DDX47: variants seen among roughly 807,000 people sequenced by gnomAD.
DDX47 encodes DEAD-box helicase 47.
DDX47 carries 60 observed loss-of-function variants against 58.8 expected under a neutral mutation model. The observed-to-expected ratio is 1.02, with a 90% CI of 0.83 to 1.26. The LOEUF is 1.26. Ranked by LOEUF, DDX47 falls within the 50% of genes most tolerant of loss-of-function variation. The pLI is 0.00. For missense variants in DDX47, 530 were observed against 573.2 expected, an observed-to-expected ratio of 0.92 and a Z score of 0.77; for synonymous variants, 197 against 204.6, an observed-to-expected ratio of 0.96 and a Z score of 0.32.
intron 8 of DDX47, 47 bp downstream of exon 8, chr12:12,824,063 A>AGATAAACCTCCT (rs1376786090): frequency 6.3e-7 from 1 of 1,587,884 alleles, no homozygotes; most frequent in Non-Finnish European, 8.6e-7. Context: ...GGCGTGAGCG[A>AGATAAACCTCCT]GATAAACCTC....
At chr12:12,828,930 T>C (rs954801403) in intron 11 of DDX47, among the ~76,000 whole-genome samples, 58 of 152,378 alleles carry the variant, frequency 3.8e-4, no homozygotes, top group African/African-American at 1.3e-3. Context: ...CATTCATGGA[T>C]GCTTACGCTT....
chr12:12,823,515 A>G (rs981869156), intron 7 of DDX47, 196 bp downstream of exon 7: 6 of 585,200 alleles, frequency 1.0e-5, no homozygotes, highest in African/African-American at 1.9e-5. Context: ...TTAAATCACA[A>G]TACTGAGGTC....
At position 12,821,292 on chromosome 12, in the gene DDX47, C is replaced by A; in HGVS notation, c.266C>A (p.Thr89Asn). The change falls in exon 3 of 12, where the codon ACC becomes AAC. Residue 89 changes from threonine to asparagine, a missense_variant. By Grantham distance (65) the Thr-to-Asn change is moderately conservative. Coordinates refer to ENST00000358007, the MANE Select transcript of DDX47 (RefSeq NM_016355.4). ...ALPILNALLE[T>N]PQRLFALVLT... ...CCCATTCTAAACGCACTGCTGGAGACCCCGCAGCGTTTGTTTGCCCTAGTT... is the reference window on the plus strand; with the variant it reads ...CCCATTCTAAACGCACTGCTGGAGAACCCGCAGCGTTTGTTTGCCCTAGTT... 6.2e-7 allele frequency: 1 copy of A among 1,614,202 alleles called. No individual in the cohort carries two copies. Among genetic ancestry groups the A allele is most frequent in the Non-Finnish European group, 8.5e-7 (1 of 1,180,040 alleles).
chr12:12,813,584 T>C, intron 1 of DDX47, 130 bp downstream of exon 1: 1 of 870,534 alleles, frequency 1.1e-6, no homozygotes, highest in Non-Finnish European at 1.8e-6. Flanking sequence ...TTCCCCAGAA[T>C]TTCAGAGGGC....
At chr12:12,829,272 T>A (rs1405055775) in intron 11 of DDX47, 151 bp from the exon 12 acceptor site, 1 of 731,270 alleles carries the variant, frequency 1.4e-6, no homozygotes, top group Non-Finnish European at 2.1e-6. Context: ...GGTTAACATC[T>A]TTGTATATTT....
At chr12:12,815,811 G>C (rs894890329) in intron 2 of DDX47, among the ~76,000 whole-genome samples, 1 of 152,130 alleles carries the variant, frequency 6.6e-6, no homozygotes, top group Non-Finnish European at 1.5e-5. Flanking sequence ...TTTGGTCTTC[G>C]TTTCATAGGC....
chr12:12,825,544 A>G (rs1863039700), intron 9 of DDX47, among the ~76,000 whole-genome samples: 1 of 152,192 alleles, frequency 6.6e-6, no homozygotes, highest in South Asian at 2.1e-4. Context: ...TGCTGTAGAC[A>G]AGATGCTGTC....
At chr12:12,814,430 C>T in intron 2 of DDX47, 1 of 491,584 alleles carries the variant, frequency 2.0e-6, no homozygotes, top group Non-Finnish European at 3.7e-6. Context: ...TGTTCTCTGC[C>T]ACAGATGCTG....
At chr12:12,814,082 G>A (rs747402033) in intron 1 of DDX47, 49 bp from the exon 2 acceptor site, 15 of 1,144,388 alleles carry the variant, frequency 1.3e-5, no homozygotes, top group Non-Finnish European at 1.7e-5. Context: ...GTAGGAGGGA[G>A]GTAGGGGTGT....
chr12:12,822,114 A>G, intron 5 of DDX47, 31 bp downstream of exon 5: 1 of 1,501,514 alleles, frequency 6.7e-7, no homozygotes. Flanking sequence ...CTCCTCTTAG[A>G]GCATCTCAAG....
intron 2 of DDX47, among the ~76,000 whole-genome samples, chr12:12,818,253 G>A (rs1862925111): frequency 6.6e-6 from 1 of 152,188 alleles, no homozygotes; most frequent in Non-Finnish European, 1.5e-5. Context: ...TGGGCGTGGT[G>A]GCTCACGCCT....
In DDX47 at chr12:12,814,340, A is replaced by G. The variant is rs543016161; in HGVS notation, c.181+116A>G. The G allele has an allele frequency of 3.2e-4, 227 of 716,830 alleles. 7 individuals carry two copies. In the South Asian group the frequency reaches 3.6e-3, roughly 11 times the overall value. 44.4% of individuals were successfully genotyped at this position (716,830 alleles called of 1,614,324 possible). A position where few individuals can be genotyped will look rare whatever the true frequency, so the allele number is the denominator to read the frequency against. ...ATAAGGATATGGTCACTAAAGGTACAAAGTTTGGGTAATGGTATTTGAAAA... is the reference window on the plus strand; with the variant it reads ...ATAAGGATATGGTCACTAAAGGTACGAAGTTTGGGTAATGGTATTTGAAAA... On this transcript the variant is annotated intron_variant, in intron 2 of 11. Transcript: ENST00000358007.
At chr12:12,817,592 T>A (rs1056984247) in intron 2 of DDX47, among the ~76,000 whole-genome samples, 1 of 152,198 alleles carries the variant, frequency 6.6e-6, no homozygotes, top group African/African-American at 2.4e-5. Flanking sequence ...TCAAGGAATT[T>A]CAAACAATTT....
chr12:12,818,335 C>T (rs547342169), intron 2 of DDX47, among the ~76,000 whole-genome samples: 1 of 152,244 alleles, frequency 6.6e-6, no homozygotes, highest in East Asian at 1.9e-4. Context: ...TCCCAGCTAA[C>T]ACGGTGAAAC....
At chr12:12,814,100 T>C in intron 1 of DDX47, 31 bp from the exon 2 acceptor site, 1 of 1,459,804 alleles carries the variant, frequency 6.9e-7, no homozygotes, top group Non-Finnish European at 9.6e-7. Flanking sequence ...TGTGCTGTTC[T>C]TGGCTAAGGT....
rs565335246 is a variant in DDX47 at position 12,821,138 on chromosome 12, T to A, written c.182-70T>A. Reference sequence around the variant, plus strand: ...TAAGCGTCTACTTTGTGCCCAGCATTGTGTCATTGTAGAAAACACAGAAAT... The same window carrying A: ...TAAGCGTCTACTTTGTGCCCAGCATAGTGTCATTGTAGAAAACACAGAAAT... On this transcript the variant is annotated intron_variant, in intron 2 of 11. Transcript: ENST00000358007. 11 of 1,498,478 alleles carry A rather than the reference T, an allele frequency of 7.3e-6. No individual in the cohort carries two copies. In the South Asian group the frequency reaches 1.1e-4, roughly 16 times the overall value. The allele number at this position is 1,498,478 out of a possible 1,614,324, so 92.8% of individuals were successfully genotyped here. A position where few individuals can be genotyped will look rare whatever the true frequency, so the allele number is the denominator to read the frequency against.
Position 12,824,232 on chromosome 12 carries a change from T to G in DDX47, c.897+216T>G, listed in dbSNP as rs922105837. On this transcript the variant is annotated intron_variant, in intron 8 of 11. Transcript: ENST00000358007. The stretch of plus-strand genomic sequence containing the variant: ...GAATATTTCATATGTACCTGTCTGG[T>G]TTGCAAGCTGTTGAGTTGATTTATT... The G allele has an allele frequency of 1.4e-5, 9 of 622,420 alleles. 1 individual carries two copies. In the Middle Eastern group the frequency reaches 1.7e-3, roughly 118 times the overall value. 38.6% of individuals were successfully genotyped at this position (622,420 alleles called of 1,614,324 possible).
Position 12,821,322 on chromosome 12 carries a change from C to A in DDX47, c.296C>A (p.Thr99Asn), listed in dbSNP as rs1323588018. The change falls in exon 3 of 12, where the codon ACC becomes AAC. Residue 99 changes from threonine to asparagine, a missense_variant. Transcript: ENST00000358007. The stretch of plus-strand genomic sequence containing the variant: ...CAGCGTTTGTTTGCCCTAGTTCTTA[C>A]CCCGACTCGGGAGCTGGCCTTTCAG... Reference protein sequence around the residue: ...TPQRLFALVLTPTRELAFQIS... With the variant: ...TPQRLFALVLNPTRELAFQIS... 1.2e-6 allele frequency: 2 copies of A among 1,614,076 alleles called. No homozygotes were observed. The highest frequency in any genetic ancestry group is 1.3e-5 in the African/African-American group (1 of 74,938).
rs1318204924 is a variant in DDX47, at chr12:12,823,296, A to G, written c.727A>G (p.Ile243Val). Reference sequence around the variant, plus strand: ...AGTTGAAAAATTACAGCAATATTATATTTTTATTCCCTCTAAATTCAAGGT... The same window carrying G: ...AGTTGAAAAATTACAGCAATATTATGTTTTTATTCCCTCTAAATTCAAGGT... ...QTVEKLQQYY[I>V]FIPSKFKDTY... Residue 243 changes from isoleucine (I) to valine (V), a missense_variant, in exon 7 of 12, where the codon ATT becomes GTT. Physicochemically the swap from Ile to Val is conservative, Grantham distance 29. Coordinates refer to ENST00000358007, the MANE Select transcript of DDX47 (RefSeq NM_016355.4). 3 of 1,588,154 alleles carry G rather than the reference A, an allele frequency of 1.9e-6. No individual in the cohort carries two copies. Among genetic ancestry groups the G allele is most frequent in the Non-Finnish European group, 2.6e-6 (3 of 1,156,466 alleles).
Sources: allele counts gnomAD v4.1 joint callset (sites outside exome capture counted in the v4.1 genomes callset), GRCh38; gene constraint gnomAD v4.1.1; transcripts MANE v1.5; gene names NCBI Gene and HGNC (gene_info 2026-07-23, HGNC 2026-07-21).